The following EGFL8 variants were observed in gnomAD, a reference collection of about 807,000 sequenced individuals.
EGFL8 encodes the protein epidermal growth factor-like protein 8.
Under a neutral mutation model 39.4 loss-of-function variants are expected in EGFL8, and 32 were observed. That is an observed-to-expected ratio of 0.81 (90% CI 0.61 to 1.09). The LOEUF is 1.09. EGFL8 is among the 50% of genes least tolerant of loss of function. EGFL8 has a pLI of 0.00. For synonymous variants in EGFL8, 177 were observed against 168.5 expected, an observed-to-expected ratio of 1.05 and a Z score of -0.39; for missense variants, 385 against 402.2, an observed-to-expected ratio of 0.96 and a Z score of 0.37.
Position 32,167,658 on chromosome 6 carries a change from T to G in EGFL8, c.835+2T>G. 6.2e-7 allele frequency: 1 copy of G among 1,603,270 alleles called. No homozygotes were observed. The highest frequency in any genetic ancestry group is 8.5e-7 in the Non-Finnish European group (1 of 1,175,650). The stretch of plus-strand genomic sequence containing the variant: ...TGCTGGAGGAGAGGCTAGGTGCCTG[T>G]GAGTCCTCACACTCCTCCCGCCTTG... On this transcript the variant is annotated splice_donor_variant, in intron 8 of 8. Coordinates refer to ENST00000333845, the MANE Select transcript of EGFL8 (RefSeq NM_030652.4). LOFTEE classifies it high-confidence loss of function. The surrounding 1 kb of genome is among the most constrained non-coding windows in gnomAD (Gnocchi z 6.4).
Position 32,167,893 on chromosome 6 carries a change from G to C in EGFL8, c.836-17G>C. 6.2e-7 allele frequency: 1 copy of C among 1,614,034 alleles called. No individual in the cohort carries two copies. Among genetic ancestry groups the C allele is most frequent in the Non-Finnish European group, 8.5e-7 (1 of 1,179,904 alleles). ...CAGGCTGACCACAGCCACTGTGTCT[G>C]CCATGTCATTAACCAGGCTCCTGTG... On this transcript the variant is annotated splice_polypyrimidine_tract_variant and intron_variant, in intron 8 of 8. Coordinates refer to ENST00000333845, the MANE Select transcript of EGFL8 (RefSeq NM_030652.4). This position sits in a 1 kb window ranked among gnomAD's most constrained non-coding sequence, Gnocchi z 6.4.
chr6:32,166,511 TC>T lies in EGFL8; in HGVS notation c.117del (p.Lys40SerfsTer23). On this transcript the variant is annotated frameshift_variant, in exon 3 of 9. Coordinates refer to ENST00000333845, the MANE Select transcript of EGFL8 (RefSeq NM_030652.4). LOFTEE classifies it high-confidence loss of function. The surrounding 1 kb of genome is among the most constrained non-coding windows in gnomAD (Gnocchi z 7.3). ...GCATGGACGCAGTCAGGGAGTCTGC[TC>T]CAAGCAGACACTGGTGGTCCCGCTC... ...GSLRESQGVC[S>X]KQTLVVPLHY... The T allele has an allele frequency of 6.2e-7, 1 of 1,613,570 alleles. No individual in the cohort carries two copies. Among genetic ancestry groups the T allele is most frequent in the Non-Finnish European group, 8.5e-7 (1 of 1,179,992 alleles).
rs1382077334 is a variant in EGFL8 at position 32,166,400 on chromosome 6, G to A, written c.102-98G>A. Reference sequence around the variant, plus strand: ...AGAGGCTGTCATCTGGAGGGAGAGCGGGGGGCCTCAGTAGCCTCTTGAGGG... The same window carrying A: ...AGAGGCTGTCATCTGGAGGGAGAGCAGGGGGCCTCAGTAGCCTCTTGAGGG... On this transcript the variant is annotated intron_variant, in intron 2 of 8. Transcript: ENST00000333845. This position sits in a 1 kb window ranked among gnomAD's most constrained non-coding sequence, Gnocchi z 7.3. 52 of 1,595,814 alleles carry A rather than the reference G, an allele frequency of 3.3e-5. 1 individual carries two copies. In the Admixed American group the frequency reaches 3.9e-4, roughly 12 times the overall value.
In EGFL8 at chr6:32,167,117, T is replaced by C; in HGVS notation, c.461T>C (p.Leu154Pro). The change falls in exon 6 of 9, where the codon CTC becomes CCC. Residue 154 changes from leucine (L) to proline (P), a missense_variant. Physicochemically the swap from Leu to Pro is moderately conservative, Grantham distance 98. Transcript: ENST00000333845. This position sits in a 1 kb window ranked among gnomAD's most constrained non-coding sequence, Gnocchi z 6.4. The stretch of plus-strand genomic sequence containing the variant: ...GATGAATGTAGGACCAGCATCACCC[T>C]CTGCTCGCACCATTGTTTTAATACG... ...DVDECRTSITLCSHHCFNTAG... is the reference protein window; with the variant it reads ...DVDECRTSITPCSHHCFNTAG... 6.2e-7 allele frequency: 1 copy of C among 1,613,072 alleles called. No homozygotes were observed. The highest frequency in any genetic ancestry group is 8.5e-7 in the Non-Finnish European group (1 of 1,180,034).
At position 32,168,268 on chromosome 6, in the gene EGFL8, C is replaced by T. The variant is rs963207113; in HGVS notation, c.*312C>T. 5 of 385,642 alleles carry T rather than the reference C, an allele frequency of 1.3e-5. No individual in the cohort carries two copies. The highest frequency in any genetic ancestry group is 6.1e-5 in the African/African-American group (3 of 49,546). The allele number at this position is 385,642 out of a possible 1,614,324, so 23.9% of individuals were successfully genotyped here. A position where few individuals can be genotyped will look rare whatever the true frequency, so the allele number is the denominator to read the frequency against. ...CTGTTATCCAGATAATTAATAAAAA[C>T]CAACCACGCAAAACTGGGTCCCACC... On this transcript the variant is annotated 3_prime_UTR_variant, in exon 9 of 9. Transcript: ENST00000333845. This position sits in a 1 kb window ranked among gnomAD's most constrained non-coding sequence, Gnocchi z 4.5.
chr6:32,167,128 C>T lies in EGFL8; in HGVS notation c.472C>T (p.His158Tyr). ...CRTSITLCSH[H>Y]CFNTAGSFTC... Reference sequence around the variant, plus strand: ...GACCAGCATCACCCTCTGCTCGCACCATTGTTTTAATACGGCAGGCAGCTT... The same window carrying T: ...GACCAGCATCACCCTCTGCTCGCACTATTGTTTTAATACGGCAGGCAGCTT... Residue 158 changes from histidine (H) to tyrosine (Y), a missense_variant, in exon 6 of 9, where the codon CAT becomes TAT. Physicochemically the swap from His to Tyr is moderately conservative, Grantham distance 83. Coordinates refer to ENST00000333845, the MANE Select transcript of EGFL8 (RefSeq NM_030652.4). The surrounding 1 kb of genome is among the most constrained non-coding windows in gnomAD (Gnocchi z 6.4). 1 of 1,613,114 alleles carries T rather than the reference C, an allele frequency of 6.2e-7. No homozygotes were observed. Among genetic ancestry groups the T allele is most frequent in the Non-Finnish European group, 8.5e-7 (1 of 1,180,038 alleles).
In EGFL8 at chr6:32,166,729, G is replaced by T. The variant is rs1428100231; in HGVS notation, c.253G>T (p.Val85Leu). 1 of 1,596,136 alleles carries T rather than the reference G, an allele frequency of 6.3e-7. No individual in the cohort carries two copies. The highest frequency in any genetic ancestry group is 8.6e-7 in the Non-Finnish European group (1 of 1,168,954). The change falls in exon 4 of 9, where the codon GTG (valine) becomes TTG (leucine). Residue 85 changes from valine to leucine, a missense_variant. Coordinates refer to ENST00000333845, the MANE Select transcript of EGFL8 (RefSeq NM_030652.4). The surrounding 1 kb of genome is among the most constrained non-coding windows in gnomAD (Gnocchi z 7.3). Reference sequence around the variant, plus strand: ...CATGTACCGCGTTATGTGGCGGGAGGTGAGGCGGGAGGTTCAGCAGACCCA... The same window carrying T: ...CATGTACCGCGTTATGTGGCGGGAGTTGAGGCGGGAGGTTCAGCAGACCCA... ...RTMYRVMWRE[V>L]RREVQQTHAV...
In EGFL8 at chr6:32,165,566, A is replaced by AC. The variant is rs199949218; in HGVS notation, c.-28-572_-28-571insC. On this transcript the variant is annotated intron_variant, in intron 1 of 8. Transcript: ENST00000333845. ...GACTCCGTCTCAAAAAACAACAACAAAAAAAAAACCAAAAAAAAAAAACCC... is the reference window on the plus strand; with the variant it reads ...GACTCCGTCTCAAAAAACAACAACAACAAAAAAAACCAAAAAAAAAAAACCC... 693 of 142,078 alleles carry AC rather than the reference A, an allele frequency of 4.9e-3. 2 individuals are homozygous for AC. The highest frequency in any genetic ancestry group is 0.019 in the East Asian group (89 of 4,616). 8.8% of individuals were successfully genotyped at this position (142,078 alleles called of 1,614,324 possible).
rs566989276 is a variant in EGFL8, at chr6:32,166,169, G to A, written c.4G>A (p.Gly2Arg). MGSRAELCTLLG... is the reference protein window; with the variant it reads MRSRAELCTLLG... ...GGGTCCAGCGTCAAAGCGAATCATG[G>A]GGTCCAGGGCTGAGCTGTGCACTCT... Residue 2 changes from glycine to arginine, a missense_variant, in exon 2 of 9, where the codon GGG becomes AGG. By Grantham distance (125) the Gly-to-Arg change is moderately radical (BLOSUM62 -2). Transcript: ENST00000333845. The surrounding 1 kb of genome is among the most constrained non-coding windows in gnomAD (Gnocchi z 7.3). The A allele has an allele frequency of 6.4e-5, 103 of 1,614,108 alleles. No homozygotes were observed. The South Asian group carries it at 1.1e-3, about 17-fold the overall frequency.
At position 32,167,410 on chromosome 6, in the gene EGFL8, G is replaced by A. The variant is rs754832327; in HGVS notation, c.662G>A (p.Arg221His). 4.2e-5 allele frequency: 68 copies of A among 1,611,898 alleles called. No homozygotes were observed. The highest frequency in any genetic ancestry group is 8.9e-5 in the East Asian group (4 of 44,896). Residue 221 changes from arginine (R) to histidine (H), a missense_variant, in exon 7 of 9, where the codon CGC becomes CAC. Physicochemically the swap from Arg to His is conservative, Grantham distance 29 (BLOSUM62 0). Coordinates refer to ENST00000333845, the MANE Select transcript of EGFL8 (RefSeq NM_030652.4). This position sits in a 1 kb window ranked among gnomAD's most constrained non-coding sequence, Gnocchi z 6.4. ...LKQEIHELRG[R>H]LERLEQWAGQ... The stretch of plus-strand genomic sequence containing the variant: ...CAGGAGATTCACGAGCTGCGAGGGC[G>A]CCTGGAGCGGCTGGAGCAGGTGAGC...
At chr6:32,165,960 TAAG>T (rs1252670318) in intron 1 of EGFL8, 175 bp from the exon 2 acceptor site, 1 of 619,766 alleles carries the variant, frequency 1.6e-6, no homozygotes, top group Non-Finnish European at 2.9e-6. Context: ...CATGATATGC[TAAG>T]GACAGGATAG....
Position 32,164,778 on chromosome 6 carries a change from T to A in EGFL8, c.-29+121T>A. ...CGGGGTGTTTTGTTGGAGCAAGGGA[T>A]GTGCATTTAGGGCGTTATGTGACGG... On this transcript the variant is annotated intron_variant, in intron 1 of 8. Coordinates refer to ENST00000333845, the MANE Select transcript of EGFL8 (RefSeq NM_030652.4). The surrounding 1 kb of genome is among the most constrained non-coding windows in gnomAD (Gnocchi z 5.4). 1.5e-6 allele frequency: 1 copy of A among 650,860 alleles called. No homozygotes were observed. The highest frequency in any genetic ancestry group is 2.9e-6 in the Non-Finnish European group (1 of 350,620). 40.3% of individuals were successfully genotyped at this position (650,860 alleles called of 1,614,324 possible).
chr6:32,167,638 G>A lies in EGFL8; in HGVS notation c.817G>A (p.Glu273Lys), dbSNP rs17853434. 1.9e-6 allele frequency: 3 copies of A among 1,609,406 alleles called. 1 individual carries two copies. The South Asian group carries it at 3.3e-5, about 18-fold the overall frequency. Residue 273 changes from glutamate (E) to lysine (K), a missense_variant, in exon 8 of 9, where the codon GAG becomes AAG. Transcript: ENST00000333845. This position sits in a 1 kb window ranked among gnomAD's most constrained non-coding sequence, Gnocchi z 6.4. ...ESLSDQVLLL[E>K]ERLGACSCED... ...TCTCAGCGACCAGGTGCTGCTGCTG[G>A]AGGAGAGGCTAGGTGCCTGTGAGTC...
rs1784518478 is a variant in EGFL8 at position 32,166,690 on chromosome 6, C to CT, written c.225-10dup. 6.2e-7 allele frequency: 1 copy of CT among 1,613,074 alleles called. No individual in the cohort carries two copies. Among genetic ancestry groups the CT allele is most frequent in the African/African-American group, 1.3e-5 (1 of 75,018 alleles). On this transcript the variant is annotated splice_polypyrimidine_tract_variant and intron_variant, in intron 3 of 8. Transcript: ENST00000333845. This position sits in a 1 kb window ranked among gnomAD's most constrained non-coding sequence, Gnocchi z 7.3. ...CGTACTCAGGGTCCTGAGCCGGGCG[C>CT]TGTGTTCCAGGACCATGTACCGCGT...
chr6:32,167,525 G>T lies in EGFL8; in HGVS notation c.704G>T (p.Trp235Leu), dbSNP rs780084403. The change falls in exon 8 of 9, where the codon TGG becomes TTG. Residue 235 changes from tryptophan (W) to leucine (L), a missense_variant. Trp to Leu is a moderately conservative substitution (Grantham distance 61). Coordinates refer to ENST00000333845, the MANE Select transcript of EGFL8 (RefSeq NM_030652.4). This position sits in a 1 kb window ranked among gnomAD's most constrained non-coding sequence, Gnocchi z 6.4. ...LEQWAGQAGA[W>L]VRAVLPVPPE... ...TAGTGGGCCGGTCAGGCTGGGGCCTGGGTCAGAGCGGTGCTGCCCGTGCCG... is the reference window on the plus strand; with the variant it reads ...TAGTGGGCCGGTCAGGCTGGGGCCTTGGTCAGAGCGGTGCTGCCCGTGCCG... 3.7e-6 allele frequency: 6 copies of T among 1,607,830 alleles called. No homozygotes were observed. Among genetic ancestry groups the T allele is most frequent in the Non-Finnish European group, 4.2e-6 (5 of 1,179,494 alleles).
rs1383600518 is a variant in EGFL8 at position 32,167,069 on chromosome 6, C to A, written c.431-18C>A. The A allele has an allele frequency of 6.2e-7, 1 of 1,613,106 alleles. No homozygotes were observed. The highest frequency in any genetic ancestry group is 1.1e-5 in the South Asian group (1 of 91,090). On this transcript the variant is annotated intron_variant, in intron 5 of 8. Coordinates refer to ENST00000333845, the MANE Select transcript of EGFL8 (RefSeq NM_030652.4). This position sits in a 1 kb window ranked among gnomAD's most constrained non-coding sequence, Gnocchi z 6.4. ...CCCCCGCCCCCTCTCTCAGCCCCTT[C>A]CTTTTTTCGGTAACTAGACGTGGAT...
rs957805495 is a variant in EGFL8 at position 32,167,512 on chromosome 6, C to G, written c.691C>G (p.Gln231Glu). Residue 231 changes from glutamine to glutamate, a missense_variant, in exon 8 of 9, where the codon CAG becomes GAG. Transcript: ENST00000333845. The surrounding 1 kb of genome is among the most constrained non-coding windows in gnomAD (Gnocchi z 6.4). Reference sequence around the variant, plus strand: ...ATCTCTTCCTTTCTAGTGGGCCGGTCAGGCTGGGGCCTGGGTCAGAGCGGT... The same window carrying G: ...ATCTCTTCCTTTCTAGTGGGCCGGTGAGGCTGGGGCCTGGGTCAGAGCGGT... The part of the protein sequence containing the change: ...RLERLEQWAG[Q>E]AGAWVRAVLP... The G allele has an allele frequency of 6.2e-7, 1 of 1,607,884 alleles. No homozygotes were observed. The highest frequency in any genetic ancestry group is 8.5e-7 in the Non-Finnish European group (1 of 1,179,358).
chr6:32,166,082 C>A lies in EGFL8; in HGVS notation c.-28-56C>A. On this transcript the variant is annotated intron_variant, in intron 1 of 8. Coordinates refer to ENST00000333845, the MANE Select transcript of EGFL8 (RefSeq NM_030652.4). The surrounding 1 kb of genome is among the most constrained non-coding windows in gnomAD (Gnocchi z 7.3). The stretch of plus-strand genomic sequence containing the variant: ...CAGAGTGCCCTTGGAGGGACTAGTG[C>A]TGGAGAAATTAATAGGAGAGGGGAC... 1 of 1,402,562 alleles carries A rather than the reference C, an allele frequency of 7.1e-7. No homozygotes were observed. Among genetic ancestry groups the A allele is most frequent in the Non-Finnish European group, 1.0e-6 (1 of 992,112 alleles). 86.9% of individuals were successfully genotyped at this position (1,402,562 alleles called of 1,614,324 possible).
Position 32,166,224 on chromosome 6 carries a change from T to G in EGFL8, c.59T>G (p.Leu20Arg). The G allele has an allele frequency of 6.2e-7, 1 of 1,613,998 alleles. No homozygotes were observed. Residue 20 changes from leucine to arginine, a missense_variant, in exon 2 of 9, where the codon CTG becomes CGG. Transcript: ENST00000333845. This position sits in a 1 kb window ranked among gnomAD's most constrained non-coding sequence, Gnocchi z 7.3. Reference sequence around the variant, plus strand: ...GGCGGATTCTCCTTCCTCCTGCTACTGATACCAGGCGAGGGGGCCAAGGGT... The same window carrying G: ...GGCGGATTCTCCTTCCTCCTGCTACGGATACCAGGCGAGGGGGCCAAGGGT... The part of the protein sequence containing the change: ...LLGGFSFLLL[L>R]IPGEGAKGGS...
Sources: gnomAD v4.1 joint callset for allele counts on GRCh38, gnomAD v4.1.1 for gene constraint, Gnocchi (gnomAD v3.1) non-coding constraint, MANE v1.5 for transcripts, NCBI Gene and HGNC (gene_info 2026-07-23, HGNC 2026-07-21) for gene names.